The following ANO2 variants were observed in gnomAD, a reference collection of about 807,000 sequenced individuals.
The protein encoded by ANO2 is anoctamin 2.
Under a neutral mutation model 124.2 loss-of-function variants are expected in ANO2, and 101 were observed. That is an observed-to-expected ratio of 0.81 (90% CI 0.69 to 0.96). ANO2 has a LOEUF of 0.96. Among genes scored for constraint, ANO2 ranks in the 40% least tolerant of loss-of-function variants. The pLI is 0.00. For synonymous variants in ANO2, 486 were observed against 482.5 expected, an observed-to-expected ratio of 1.01 and a Z score of -0.09; for missense variants, 1,293 against 1,274.5, an observed-to-expected ratio of 1.01 and a Z score of -0.22.
intron 17 of ANO2, 84 bp downstream of exon 17, chr12:5,615,102 A>T: frequency 9.5e-7 from 1 of 1,057,654 alleles, no homozygotes; most frequent in Non-Finnish European, 1.4e-6. Flanking sequence ...GACAATGGGG[A>T]CAGGCTGACC....
rs746073420 is a variant in ANO2, at chr12:5,922,631, G to A, written c.196C>T (p.Arg66Cys). Residue 66 changes from arginine (R) to cysteine (C), a missense_variant, in exon 2 of 25, where the codon CGC becomes TGC. Arg to Cys is a radical substitution (Grantham distance 180, BLOSUM62 -3). Coordinates refer to ENST00000682330, the MANE Select transcript of ANO2 (RefSeq NM_001364791.2). ...PGQPCGGEST[R>C]SSSVINNYLD... ...CGCCCAGTACTCACAGAGCTGCTGCGGGTGCTCTCTCCACCGCAGGGCTGG... is the reference window on the plus strand; with the variant it reads ...CGCCCAGTACTCACAGAGCTGCTGCAGGTGCTCTCTCCACCGCAGGGCTGG... 183 of 1,534,832 alleles carry A rather than the reference G, an allele frequency of 1.2e-4. 1 individual carries two copies. Among genetic ancestry groups the A allele is most frequent in the South Asian group, 1.2e-3 (97 of 83,842 alleles).
intron 6 of ANO2, among the ~76,000 whole-genome samples, chr12:5,828,091 G>A (rs1362292062): frequency 6.6e-6 from 1 of 152,218 alleles, no homozygotes; most frequent in Non-Finnish European, 1.5e-5. Flanking sequence ...GCTAGAAATG[G>A]ACGGCAGTCA....
intron 4 of ANO2, among the ~76,000 whole-genome samples, chr12:5,845,897 C>G (rs749030948): frequency 6.6e-6 from 1 of 152,162 alleles, no homozygotes; most frequent in Admixed American, 6.5e-5. Flanking sequence ...AAGGCTCTTA[C>G]GAAATGGTCT....
intron 13 of ANO2, among the ~76,000 whole-genome samples, chr12:5,735,495 C>T (rs553841727): frequency 2.6e-5 from 4 of 152,276 alleles, no homozygotes; most frequent in African/African-American, 7.2e-5. Context: ...GACACAAGAT[C>T]CCTCCTTCCC....
In ANO2 at chr12:5,636,587, AAAT is replaced by A. The variant is rs1308988656; in HGVS notation, c.1621-1243_1621-1241del. Among the ~76,000 whole-genome samples, 1 of 148,852 alleles carries A rather than the reference AAAT, an allele frequency of 6.7e-6. No homozygotes were observed. Among genetic ancestry groups the A allele is most frequent in the African/African-American group, 2.5e-5 (1 of 40,476 alleles). ...ACAGCAGGTGGAAGGCTCCCTGAAA[AAAT>A]AAGCTGTGCTGGACTACACACACAC... On this transcript the variant is annotated intron_variant, in intron 15 of 24. Coordinates refer to ENST00000682330, the MANE Select transcript of ANO2 (RefSeq NM_001364791.2). This position sits in a 1 kb window ranked among gnomAD's most constrained non-coding sequence, Gnocchi z 4.6.
chr12:5,582,292 AGCTCAAAG>A (rs1383237058), intron 20 of ANO2, among the ~76,000 whole-genome samples: 1 of 152,222 alleles, frequency 6.6e-6, no homozygotes, highest in Non-Finnish European at 1.5e-5. Context: ...AGTAATGCTG[AGCTCAAAG>A]GCTGGAAACT....
chr12:5,658,496 C>T lies in ANO2; in HGVS notation c.1546-10695G>A, dbSNP rs907836852. On this transcript the variant is annotated intron_variant, in intron 14 of 24. Coordinates refer to ENST00000682330, the MANE Select transcript of ANO2 (RefSeq NM_001364791.2). The surrounding 1 kb of genome is among the most constrained non-coding windows in gnomAD (Gnocchi z 4.3). ...CTATCATCATCATCATCAATATCAT[C>T]GTATCAAAATCAATATAATCATCAA... Among the ~76,000 whole-genome samples, 4 of 151,906 alleles carry T rather than the reference C, an allele frequency of 2.6e-5. No individual in the cohort carries two copies. Among genetic ancestry groups the T allele is most frequent in the Admixed American group, 6.6e-5 (1 of 15,254 alleles).
At chr12:5,606,881 C>T (rs1440406327) in intron 19 of ANO2, among the ~76,000 whole-genome samples, 2 of 151,908 alleles carry the variant, frequency 1.3e-5, no homozygotes, top group African/African-American at 4.8e-5. Flanking sequence ...TAATAAGGGT[C>T]AATTAGACAC....
chr12:5,912,414 C>T (rs1941108601), intron 3 of ANO2, among the ~76,000 whole-genome samples: 1 of 152,208 alleles, frequency 6.6e-6, no homozygotes, highest in African/African-American at 2.4e-5. Context: ...CTGCTCTAAC[C>T]TCCTCAGGGT....
At chr12:5,630,451 C>T (rs976236617) in intron 16 of ANO2, among the ~76,000 whole-genome samples, 24 of 152,302 alleles carry the variant, frequency 1.6e-4, no homozygotes, top group African/African-American at 5.8e-4. Flanking sequence ...AAGGAAACTT[C>T]AAGTCTCCTG....
rs1942059869 is a variant in ANO2 at position 5,925,952 on chromosome 12, C to T, written c.23-3148G>A. ...TGACGACACTTAAGTTTCACTCTAA[C>T]TCTTGCTCTCCTGCAGGCACCAGGT... On this transcript the variant is annotated intron_variant, in intron 1 of 24. Coordinates refer to ENST00000682330, the MANE Select transcript of ANO2 (RefSeq NM_001364791.2). This position sits in a 1 kb window ranked among gnomAD's most constrained non-coding sequence, Gnocchi z 4.6. Among the ~76,000 whole-genome samples, 1 of 152,232 alleles carries T rather than the reference C, an allele frequency of 6.6e-6. No homozygotes were observed. The highest frequency in any genetic ancestry group is 1.5e-5 in the Non-Finnish European group (1 of 68,042).
intron 23 of ANO2, among the ~76,000 whole-genome samples, chr12:5,567,116 C>G (rs1008328513): frequency 6.6e-6 from 1 of 152,168 alleles, no homozygotes; most frequent in African/African-American, 2.4e-5. Context: ...ACTGGGGACT[C>G]GACTAGGGCT....
chr12:5,946,098 C>T, upstream of ANO2: 1 of 1,601,786 alleles, frequency 6.2e-7, no homozygotes, highest in African/African-American at 1.3e-5. The surrounding 1 kb of genome is among the most constrained non-coding windows in gnomAD (Gnocchi z 4.1). Context: ...CATGGACCCC[C>T]AAAATGAAGA....
intron 7 of ANO2, among the ~76,000 whole-genome samples, chr12:5,813,545 G>A (rs922186591): frequency 2.6e-5 from 4 of 152,118 alleles, no homozygotes; most frequent in African/African-American, 4.8e-5. Flanking sequence ...CCTGACCACC[G>A]TCGCCCATAA....
intron 14 of ANO2, among the ~76,000 whole-genome samples, chr12:5,695,773 G>A (rs190815919): frequency 2.9e-4 from 44 of 150,034 alleles, no homozygotes; most frequent in East Asian, 2.0e-3. Flanking sequence ...CCTGGGAGGC[G>A]GAGGTTTTGT....
intron 4 of ANO2, among the ~76,000 whole-genome samples, chr12:5,846,494 G>A (rs1477245604): frequency 6.6e-6 from 1 of 152,230 alleles, no homozygotes; most frequent in Non-Finnish European, 1.5e-5. Context: ...TCTGCTTACT[G>A]CTTCCTGCCC....
intron 19 of ANO2, among the ~76,000 whole-genome samples, chr12:5,601,167 A>G (rs1943920596): frequency 6.6e-6 from 1 of 152,144 alleles, no homozygotes; most frequent in South Asian, 2.1e-4. Flanking sequence ...AGAAATAAAT[A>G]TTAACTTGCC....
chr12:5,859,092 C>T (rs527659272), intron 3 of ANO2, among the ~76,000 whole-genome samples: 2 of 152,322 alleles, frequency 1.3e-5, no homozygotes, highest in Admixed American at 6.5e-5. Context: ...TCAGAGGATA[C>T]AATCCATCCC....
chr12:5,749,208 T>C (rs948413861), intron 11 of ANO2, among the ~76,000 whole-genome samples: 2 of 152,180 alleles, frequency 1.3e-5, no homozygotes, highest in African/African-American at 4.8e-5. Flanking sequence ...TTCTGGTTTT[T>C]TCTTCAGAAT....
Sources: allele counts gnomAD v4.1 joint callset (sites outside exome capture counted in the v4.1 genomes callset), GRCh38; gene constraint gnomAD v4.1.1; non-coding constraint Gnocchi (gnomAD v3.1); transcripts MANE v1.5; gene names NCBI Gene and HGNC (gene_info 2026-07-23, HGNC 2026-07-21).